The following NBAS variants were observed in gnomAD, a reference collection of about 807,000 sequenced individuals.
NBAS encodes the protein NBAS subunit of NRZ tethering complex.
Under a neutral mutation model 302.5 loss-of-function variants are expected in NBAS, and 219 were observed. The observed-to-expected ratio is 0.72, with a 90% CI of 0.65 to 0.81. NBAS has a LOEUF of 0.81. NBAS is among the 30% of genes least tolerant of loss of function. NBAS has a pLI of 0.00. For synonymous variants in NBAS, 1,118 were observed against 1,021.6 expected, an observed-to-expected ratio of 1.09 and a Z score of -1.80; for missense variants, 2,932 against 2,841.6, an observed-to-expected ratio of 1.03 and a Z score of -0.72.
chr2:15,559,974 C>T (rs1284626847), intron 1 of NBAS, among the ~76,000 whole-genome samples: 2 of 152,152 alleles, frequency 1.3e-5, no homozygotes, highest in African/African-American at 4.8e-5. Context: ...ATGCAGATCT[C>T]TACCCGTCTA....
chr2:15,068,729 A>C, the NBAS span, among the ~76,000 whole-genome samples: 4 of 152,272 alleles, frequency 2.6e-5, no homozygotes, highest in South Asian at 4.2e-4. Context: ...CCATCCAAAA[A>C]CCACACCTGA....
chr2:15,276,723 G>A lies in NBAS; in HGVS notation c.5389+128C>T, dbSNP rs530065179. On this transcript the variant is annotated intron_variant, in intron 43 of 51. Transcript: ENST00000281513. ...AGTTGGAAAGATAATAACTAAAGTC[G>A]ATTAGCTTCAAAATTCTGTGGTTTC... The A allele has an allele frequency of 2.6e-5, 35 of 1,369,810 alleles. No homozygotes were observed. The Admixed American group carries it at 3.2e-4, about 12-fold the overall frequency. 84.9% of individuals were successfully genotyped at this position (1,369,810 alleles called of 1,614,324 possible).
intron 35 of NBAS, 141 bp downstream of exon 35, chr2:15,351,851 A>G: frequency 1.4e-6 from 1 of 716,336 alleles, no homozygotes. Context: ...CAAAAGCTGA[A>G]AAGAAAAGTG....
chr2:14,784,977 T>C, the NBAS span, among the ~76,000 whole-genome samples: 44 of 152,354 alleles, frequency 2.9e-4, no homozygotes, highest in African/African-American at 1.0e-3. Context: ...CATTTCTTTG[T>C]ATCCTCTTTT....
At chr2:15,184,566 T>C (rs1454278777) in intron 50 of NBAS, among the ~76,000 whole-genome samples, 1 of 152,118 alleles carries the variant, frequency 6.6e-6, no homozygotes, top group African/African-American at 2.4e-5. Context: ...ATAAGAATCT[T>C]GTGCCACCAC....
chr2:15,214,409 A>G (rs192605635), intron 48 of NBAS, among the ~76,000 whole-genome samples: 44 of 152,358 alleles, frequency 2.9e-4, no homozygotes, highest in African/African-American at 1.0e-3. Flanking sequence ...TTTAGGCTGT[A>G]TAGTCACTTT....
At chr2:15,469,597 T>C (rs1002494419) in intron 16 of NBAS, among the ~76,000 whole-genome samples, 2 of 152,010 alleles carry the variant, frequency 1.3e-5, no homozygotes, top group African/African-American at 2.4e-5. Context: ...CAAATGTCCA[T>C]CAATGATAGA....
At chr2:15,204,889 T>G (rs1177736803) in intron 48 of NBAS, among the ~76,000 whole-genome samples, 3 of 152,226 alleles carry the variant, frequency 2.0e-5, no homozygotes, top group Admixed American at 1.3e-4. Flanking sequence ...GGGATAGCAT[T>G]AGGAGATATA....
At chr2:14,848,770 C>A in the NBAS span, among the ~76,000 whole-genome samples, 5 of 151,834 alleles carry the variant, frequency 3.3e-5, no homozygotes, top group Non-Finnish European at 5.9e-5. Flanking sequence ...TCCCTGACCC[C>A]TGACCCCTGA....
At chr2:15,159,458 C>T in the NBAS span, among the ~76,000 whole-genome samples, 2 of 151,776 alleles carry the variant, frequency 1.3e-5, no homozygotes, top group African/African-American at 2.4e-5. Context: ...GGGACCAGCA[C>T]GTTACAACAT....
chr2:15,378,326 T>G (rs905350804), intron 30 of NBAS, among the ~76,000 whole-genome samples: 1 of 151,928 alleles, frequency 6.6e-6, no homozygotes, highest in African/African-American at 2.4e-5. Context: ...ATGTCCAGGG[T>G]ACAAATGGAA....
At chr2:14,936,003 T>C in the NBAS span, among the ~76,000 whole-genome samples, 1 of 152,258 alleles carries the variant, frequency 6.6e-6, no homozygotes, top group Admixed American at 6.5e-5. Flanking sequence ...AATAAAATAG[T>C]TCCAATGAAA....
chr2:15,041,018 A>G, the NBAS span, among the ~76,000 whole-genome samples: 3 of 152,224 alleles, frequency 2.0e-5, no homozygotes, highest in African/African-American at 7.2e-5. Context: ...CTGGCAGATT[A>G]AATTCACCAA....
At position 15,353,625 on chromosome 2, in the gene NBAS, A is replaced by C; in HGVS notation, c.4017T>G (p.Ala1339=). 6.2e-7 allele frequency: 1 copy of C among 1,614,106 alleles called. No homozygotes were observed. Among genetic ancestry groups the C allele is most frequent in the Non-Finnish European group, 8.5e-7 (1 of 1,179,972 alleles). Residue 1339 remains alanine, a synonymous_variant, in exon 34 of 52, where the codon GCT becomes GCG. Coordinates refer to ENST00000281513, the MANE Select transcript of NBAS (RefSeq NM_015909.4). ...QDLATRQELM[A]FALTHCPPSS... ...TAGGAGGGCAATGTGTCAAAGCAAA[A>C]GCCATGAGCTCTTGACGAGTGGCCA...
intron 49 of NBAS, 40 bp downstream of exon 49, chr2:15,190,224 A>C (rs746433145): frequency 1.1e-5 from 17 of 1,611,266 alleles, no homozygotes; most frequent in Admixed American, 5.0e-5. Context: ...AAGTCCAAAC[A>C]AAAGAACTCT....
rs1663875617 is a variant in NBAS at position 15,542,120 on chromosome 2, G to A, written c.380-2764C>T. 3.6e-5 allele frequency among the ~76,000 whole-genome samples: 3 copies of A among 84,266 alleles called. No individual in the cohort carries two copies. In the South Asian group the frequency reaches 1.0e-3, roughly 28 times the overall value. The allele number at this position is 84,266 out of a possible 152,430, so 55.3% of individuals were successfully genotyped here. ...CTCTGCCTGGCCACCACCCCGTCTG[G>A]GAGGTGTACCCAACAGCTCATTGAG... On this transcript the variant is annotated intron_variant, in intron 6 of 51. Coordinates refer to ENST00000281513, the MANE Select transcript of NBAS (RefSeq NM_015909.4).
the NBAS span, among the ~76,000 whole-genome samples, chr2:15,035,364 T>C: frequency 6.6e-6 from 1 of 152,162 alleles, no homozygotes; most frequent in Admixed American, 6.5e-5. Flanking sequence ...ACAGAAATGC[T>C]TTTACACTTT....
At chr2:15,539,059 T>C (rs1025373329) in intron 7 of NBAS, among the ~76,000 whole-genome samples, 164 bp downstream of exon 7, 1 of 152,340 alleles carries the variant, frequency 6.6e-6, no homozygotes, top group East Asian at 1.9e-4. Context: ...GGAATAACTA[T>C]TGCATGCATA....
intron 44 of NBAS, among the ~76,000 whole-genome samples, chr2:15,244,128 A>C (rs1667983502): frequency 6.6e-6 from 1 of 152,210 alleles, no homozygotes; most frequent in South Asian, 2.1e-4. Flanking sequence ...CAATATTTCA[A>C]AACAAATGAA....
Sources: allele counts gnomAD v4.1 joint callset (sites outside exome capture counted in the v4.1 genomes callset), GRCh38; gene constraint gnomAD v4.1.1; transcripts MANE v1.5; gene names NCBI Gene and HGNC (gene_info 2026-07-23, HGNC 2026-07-21).